CAMTA1: variants seen among roughly 807,000 people sequenced by gnomAD.
CAMTA1 encodes calmodulin-binding transcription activator 1.
In CAMTA1, 27 loss-of-function variants were observed where a neutral mutation model predicts 170.9. The ratio of observed to expected loss-of-function variants is 0.16; its 90% confidence interval spans 0.12 to 0.22. CAMTA1 has a LOEUF of 0.22. CAMTA1 is among the 10% of genes least tolerant of loss of function. The pLI is 1.00. For synonymous variants in CAMTA1, 833 were observed against 891.5 expected (o/e 0.93, Z 1.17); for missense variants, 1,619 against 2,217.2 (o/e 0.73, Z 5.42).
chr1:7,729,069 A>G lies in CAMTA1; in HGVS notation c.2915-3379A>G, dbSNP rs1186729482. ...TTAAAAGAGGAAGTATCTTTCTTGC[A>G]TTGTTGTTCCTGGAAGTAGTTTATT... On this transcript the variant is annotated intron_variant, in intron 11 of 22. Coordinates refer to ENST00000303635, the MANE Select transcript of CAMTA1 (RefSeq NM_015215.4). 2.0e-5 allele frequency among the ~76,000 whole-genome samples: 3 copies of G among 151,728 alleles called. No individual in the cohort carries two copies. The East Asian group carries it at 5.8e-4, about 29-fold the overall frequency.
chr1:7,194,602 G>T (rs568368987), intron 4 of CAMTA1, among the ~76,000 whole-genome samples: 3 of 152,246 alleles, frequency 2.0e-5, no homozygotes, highest in African/African-American at 7.2e-5. Context: ...TGTGGTGAGC[G>T]TTACATCCTG....
In CAMTA1 at chr1:6,918,558, C is replaced by T. The variant is rs930676929; in HGVS notation, c.234+93348C>T. On this transcript the variant is annotated intron_variant, in intron 3 of 22. Coordinates refer to ENST00000303635, the MANE Select transcript of CAMTA1 (RefSeq NM_015215.4). This position sits in a 1 kb window ranked among gnomAD's most constrained non-coding sequence, Gnocchi z 4.0. ...CTTGAGAAATACTGTGGCTTCAAAA[C>T]GGTATTTATCTGGCATTGGGAAACC... 1.8e-4 allele frequency among the ~76,000 whole-genome samples: 28 copies of T among 152,218 alleles called. No individual in the cohort carries two copies. The highest frequency in any genetic ancestry group is 1.1e-3 in the Admixed American group (17 of 15,286).
At chr1:6,899,554 G>GCGCACACACACACACACACA (rs1306510241) in intron 3 of CAMTA1, among the ~76,000 whole-genome samples, 1 of 141,086 alleles carries the variant, frequency 7.1e-6, no homozygotes, top group Non-Finnish European at 1.6e-5. Flanking sequence ...ACGCGCGCGC[G>GCGCACACACACACACACACA]CACACACACA....
At position 7,293,350 on chromosome 1, in the gene CAMTA1, T is replaced by A. The variant is rs994028626; in HGVS notation, c.438+43724T>A. Among the ~76,000 whole-genome samples the A allele has an allele frequency of 6.6e-6, 1 of 152,154 alleles. No individual in the cohort carries two copies. Among genetic ancestry groups the A allele is most frequent in the Non-Finnish European group, 1.5e-5 (1 of 68,018 alleles). On this transcript the variant is annotated intron_variant, in intron 5 of 22. Coordinates refer to ENST00000303635, the MANE Select transcript of CAMTA1 (RefSeq NM_015215.4). This position sits in a 1 kb window ranked among gnomAD's most constrained non-coding sequence, Gnocchi z 4.1. ...CAAGAGAATCATTCCTTCCTGCACC[T>A]GGACACTGTTTCAGGGCTGGCATTT...
At chr1:6,873,081 C>A (rs957533159) in intron 3 of CAMTA1, among the ~76,000 whole-genome samples, 1 of 152,134 alleles carries the variant, frequency 6.6e-6, no homozygotes, top group African/African-American at 2.4e-5. Context: ...TACTTGGATG[C>A]CTGAAAAGCT....
Position 7,588,863 on chromosome 1 carries a change from T to C in CAMTA1, c.511-51537T>C, listed in dbSNP as rs894648547. 4.6e-5 allele frequency among the ~76,000 whole-genome samples: 7 copies of C among 152,184 alleles called. No homozygotes were observed. Among genetic ancestry groups the C allele is most frequent in the Non-Finnish European group, 1.5e-5 (1 of 68,034 alleles). ...ATGAAATGGGGATGCAGTCCCACCATGTTATTGGGCACCAGGGCAACCCCG... is the reference window on the plus strand; with the variant it reads ...ATGAAATGGGGATGCAGTCCCACCACGTTATTGGGCACCAGGGCAACCCCG... On this transcript the variant is annotated intron_variant, in intron 6 of 22. Transcript: ENST00000303635. This position sits in a 1 kb window ranked among gnomAD's most constrained non-coding sequence, Gnocchi z 5.8.
chr1:7,491,242 G>A lies in CAMTA1; in HGVS notation c.510+23341G>A, dbSNP rs545515890. Among the ~76,000 whole-genome samples, 128 of 152,248 alleles carry A rather than the reference G, an allele frequency of 8.4e-4. 1 individual carries two copies. The highest frequency in any genetic ancestry group is 1.4e-3 in the Non-Finnish European group (98 of 68,028). On this transcript the variant is annotated intron_variant, in intron 6 of 22. Coordinates refer to ENST00000303635, the MANE Select transcript of CAMTA1 (RefSeq NM_015215.4). ...GCACTCACCAAGGCAGAGCCGGGAG[G>A]ACTCCACCCACCCTCTTTCCTGTTC...
chr1:6,789,220 T>C (rs1279928660), intron 1 of CAMTA1, among the ~76,000 whole-genome samples: 1 of 151,124 alleles, frequency 6.6e-6, no homozygotes, highest in African/African-American at 2.5e-5. Context: ...TTGCTCTTAC[T>C]TGCTCTTTGA....
intron 6 of CAMTA1, among the ~76,000 whole-genome samples, chr1:7,549,867 G>A (rs766708287): frequency 6.6e-5 from 10 of 152,220 alleles, no homozygotes; most frequent in Non-Finnish European, 1.2e-4. Context: ...TGTGCCAAGC[G>A]CCCAGGCTTG....
intron 6 of CAMTA1, among the ~76,000 whole-genome samples, chr1:7,576,488 C>T (rs2150364413): frequency 6.6e-6 from 1 of 152,316 alleles, no homozygotes. Context: ...CCAAGAGAGA[C>T]ACCTCAGACC....
At chr1:6,868,411 C>T (rs1667386919) in intron 3 of CAMTA1, among the ~76,000 whole-genome samples, 1 of 151,516 alleles carries the variant, frequency 6.6e-6, no homozygotes. Flanking sequence ...TGGGTTTCTT[C>T]AGCTGTCTCC....
At chr1:6,870,115 A>C (rs1391353394) in intron 3 of CAMTA1, among the ~76,000 whole-genome samples, 1 of 152,078 alleles carries the variant, frequency 6.6e-6, no homozygotes, top group South Asian at 2.1e-4. Context: ...ACAGAACTTG[A>C]CTCGTGTTAC....
At chr1:6,926,557 C>T (rs548431730) in intron 3 of CAMTA1, among the ~76,000 whole-genome samples, 10 of 119,302 alleles carry the variant, frequency 8.4e-5, no homozygotes, top group African/African-American at 1.6e-4. Context: ...TCCTTCCTTC[C>T]TTCTTTCTCT....
intron 3 of CAMTA1, among the ~76,000 whole-genome samples, chr1:6,831,394 A>G (rs959408191): frequency 4.0e-4 from 61 of 152,374 alleles, no homozygotes; most frequent in African/African-American, 1.5e-3. Context: ...AGCCAGAAAT[A>G]ATTATGCTAA....
At chr1:7,200,634 G>A (rs1400464371) in intron 4 of CAMTA1, among the ~76,000 whole-genome samples, 3 of 152,120 alleles carry the variant, frequency 2.0e-5, no homozygotes, top group South Asian at 2.1e-4. Flanking sequence ...CTGAGGTTCC[G>A]CATAGATTAG....
intron 3 of CAMTA1, among the ~76,000 whole-genome samples, chr1:6,991,049 G>C (rs958965292): frequency 2.0e-5 from 3 of 151,918 alleles, no homozygotes; most frequent in African/African-American, 7.3e-5. Context: ...GTTGTTGCAA[G>C]TATCAGTAGT....
intron 6 of CAMTA1, among the ~76,000 whole-genome samples, chr1:7,478,417 C>T (rs2093458632): frequency 6.6e-6 from 1 of 152,184 alleles, no homozygotes; most frequent in African/African-American, 2.4e-5. Context: ...ACACCATCCC[C>T]TGTGACTGCC....
intron 5 of CAMTA1, among the ~76,000 whole-genome samples, chr1:7,366,959 C>T (rs1375797265): frequency 1.3e-5 from 2 of 152,180 alleles, no homozygotes; most frequent in African/African-American, 2.4e-5. Flanking sequence ...CCTTTGGCTT[C>T]ACTCTGGGGC....
intron 4 of CAMTA1, among the ~76,000 whole-genome samples, chr1:7,247,038 C>A (rs1213497707): frequency 6.6e-6 from 1 of 152,220 alleles, no homozygotes; most frequent in Non-Finnish European, 1.5e-5. Context: ...TTCTCCTTTG[C>A]TGTTCCTAGG....
Sources: gnomAD v4.1 joint callset for allele counts (sites outside exome capture counted in the v4.1 genomes callset) on GRCh38, gnomAD v4.1.1 for gene constraint, Gnocchi (gnomAD v3.1) non-coding constraint, MANE v1.5 for transcripts, NCBI Gene and HGNC (gene_info 2026-07-23, HGNC 2026-07-21) for gene names.